The following PPP2R2B variants were observed in gnomAD, a reference collection of about 807,000 sequenced individuals.
PPP2R2B encodes the protein protein phosphatase 2 regulatory subunit Bbeta.
In PPP2R2B, 5 loss-of-function variants were observed where a neutral mutation model predicts 46.0. That is an observed-to-expected ratio of 0.11 (90% CI 0.06 to 0.23). The LOEUF (loss-of-function observed/expected upper bound fraction) is 0.23, where lower values mean the gene tolerates loss of function less well. Among genes scored for constraint, PPP2R2B ranks in the 10% least tolerant of loss-of-function variants. PPP2R2B has a pLI of 1.00. For synonymous variants in PPP2R2B, 215 were observed against 206.7 expected, an observed-to-expected ratio of 1.04 and a Z score of -0.34; for missense variants, 367 against 575.0, an observed-to-expected ratio of 0.64 and a Z score of 3.70.
At chr5:146,986,378 G>A (rs566427745) in intron 1 of PPP2R2B, among the ~76,000 whole-genome samples, 14 of 152,194 alleles carry the variant, frequency 9.2e-5, no homozygotes, top group Non-Finnish European at 2.1e-4. Flanking sequence ...ATCTGCTGCT[G>A]CAGCTGGAAG....
In PPP2R2B at chr5:146,633,081, C is replaced by T. The variant is rs529842872; in HGVS notation, c.790+5170G>A. ...AGCTAAGTACTGCTGCCATCAGCAC[C>T]CTATTGTTTCAGACATCTAAACTGC... On this transcript the variant is annotated intron_variant, in intron 7 of 9. Transcript: ENST00000394411. Among the ~76,000 whole-genome samples the T allele has an allele frequency of 2.1e-4, 32 of 152,184 alleles. 1 individual carries two copies. The East Asian group carries it at 4.2e-3, about 20-fold the overall frequency.
chr5:146,662,153 G>A (rs1776713711), intron 5 of PPP2R2B, among the ~76,000 whole-genome samples: 1 of 151,912 alleles, frequency 6.6e-6, no homozygotes, highest in Admixed American at 6.6e-5. Context: ...TTATTACCGT[G>A]GAATATACAG....
At chr5:146,619,052 T>C (rs1472307835) in intron 7 of PPP2R2B, among the ~76,000 whole-genome samples, 5 of 152,154 alleles carry the variant, frequency 3.3e-5, no homozygotes, top group Non-Finnish European at 4.4e-5. Context: ...AATATTACTC[T>C]CTACTTCATT....
chr5:147,010,895 C>T (rs149046898), intron 1 of PPP2R2B, among the ~76,000 whole-genome samples: 39 of 152,284 alleles, frequency 2.6e-4, no homozygotes, highest in African/African-American at 9.4e-4. Flanking sequence ...GGCCAGACTC[C>T]CACCATTGCT....
At chr5:146,849,258 C>T (rs1760198772) in intron 2 of PPP2R2B, among the ~76,000 whole-genome samples, 1 of 152,144 alleles carries the variant, frequency 6.6e-6, no homozygotes, top group Non-Finnish European at 1.5e-5. Context: ...TGCATATAAC[C>T]CTATGTATAT....
chr5:146,703,651 T>C (rs1779669955), intron 2 of PPP2R2B, among the ~76,000 whole-genome samples: 1 of 152,160 alleles, frequency 6.6e-6, no homozygotes, highest in Middle Eastern at 3.2e-3. Context: ...GACACATACA[T>C]TTTCCTTCTT....
intron 1 of PPP2R2B, among the ~76,000 whole-genome samples, chr5:146,923,954 C>T (rs1291364931): frequency 6.6e-6 from 1 of 152,114 alleles, no homozygotes; most frequent in Non-Finnish European, 1.5e-5. Context: ...AGGCCATTAT[C>T]CTTACCAAAC....
chr5:146,724,444 T>C (rs1414586000), intron 2 of PPP2R2B, among the ~76,000 whole-genome samples: 1 of 152,170 alleles, frequency 6.6e-6, no homozygotes, highest in African/African-American at 2.4e-5. Flanking sequence ...GATGTTATAA[T>C]GCAAAGAATT....
intron 8 of PPP2R2B, among the ~76,000 whole-genome samples, chr5:146,595,443 G>A (rs1410079346): frequency 6.6e-6 from 1 of 152,314 alleles, no homozygotes; most frequent in Middle Eastern, 3.4e-3. Flanking sequence ...TTCTATAAGT[G>A]TCAAAACATG....
At chr5:146,603,460 A>G (rs887326316) in intron 7 of PPP2R2B, among the ~76,000 whole-genome samples, 1 of 152,226 alleles carries the variant, frequency 6.6e-6, no homozygotes, top group African/African-American at 2.4e-5. Flanking sequence ...AAGCCTCACA[A>G]TGACACCTTC....
chr5:146,938,751 C>CTTTT lies in PPP2R2B; in HGVS notation c.79+116910_79+116913dup, dbSNP rs33961672. Among the ~76,000 whole-genome samples the CTTTT allele has an allele frequency of 2.4e-4, 16 of 65,974 alleles. 2 individuals are homozygous for CTTTT. Among genetic ancestry groups the CTTTT allele is most frequent in the African/African-American group, 7.4e-4 (11 of 14,824 alleles). The allele number at this position is 65,974 out of a possible 152,430, so 43.3% of individuals were successfully genotyped here. A position where few individuals can be genotyped will look rare whatever the true frequency, so the allele number is the denominator to read the frequency against. The stretch of plus-strand genomic sequence containing the variant: ...GGAAAACTACTGGTTAGATAATAGC[C>CTTTT]TTTTTTTTTTTTTTTTTTTTTTTTT... On this transcript the variant is annotated intron_variant, in intron 1 of 8. Transcript: ENST00000336640.
chr5:146,638,525 T>C (rs1774972651), intron 6 of PPP2R2B, 110 bp from the exon 7 acceptor site: 1 of 1,043,472 alleles, frequency 9.6e-7, no homozygotes, highest in Admixed American at 2.5e-5. Context: ...CAACATTTGC[T>C]ATGCACATGG....
chr5:147,027,159 G>A (rs1347198022), intron 1 of PPP2R2B, among the ~76,000 whole-genome samples: 1 of 152,090 alleles, frequency 6.6e-6, no homozygotes, highest in African/African-American at 2.4e-5. Context: ...ACATTTTGCT[G>A]GAATAAGTCA....
In PPP2R2B at chr5:146,677,112, C is replaced by G. The variant is rs928048240; in HGVS notation, c.447+14016G>C. 2.0e-5 allele frequency among the ~76,000 whole-genome samples: 3 copies of G among 152,144 alleles called. No individual in the cohort carries two copies. The South Asian group carries it at 6.2e-4, about 31-fold the overall frequency. On this transcript the variant is annotated intron_variant, in intron 5 of 9. Coordinates refer to ENST00000394411, the MANE Select transcript of PPP2R2B (RefSeq NM_181675.4). Reference sequence around the variant, plus strand: ...CCTCATAGGATGCTTTTCTTAGATGCTCTTTGAATTTGGAGAGCCTATGAT... The same window carrying G: ...CCTCATAGGATGCTTTTCTTAGATGGTCTTTGAATTTGGAGAGCCTATGAT...
intron 1 of PPP2R2B, among the ~76,000 whole-genome samples, chr5:146,990,547 T>TC (rs1325722870): frequency 5.9e-5 from 9 of 152,074 alleles, no homozygotes; most frequent in African/African-American, 1.7e-4. Flanking sequence ...TACTTATTTT[T>TC]CACTATAAAC....
At chr5:146,848,700 C>G (rs911021980) in intron 2 of PPP2R2B, among the ~76,000 whole-genome samples, 1 of 152,156 alleles carries the variant, frequency 6.6e-6, no homozygotes, top group African/African-American at 2.4e-5. Context: ...AAGTTACTCC[C>G]CTCTCCTCCA....
chr5:146,665,968 A>T (rs978745410), intron 5 of PPP2R2B, among the ~76,000 whole-genome samples: 1 of 152,240 alleles, frequency 6.6e-6, no homozygotes, highest in Admixed American at 6.5e-5. Context: ...TTTAACTTGT[A>T]AAAAACATAC....
At chr5:146,811,719 C>T (rs532170694) in intron 2 of PPP2R2B, among the ~76,000 whole-genome samples, 1 of 150,254 alleles carries the variant, frequency 6.7e-6, no homozygotes, top group East Asian at 2.0e-4. Context: ...CACCACCACG[C>T]CCGGCTAATT....
upstream of PPP2R2B, chr5:147,056,119 G>A (rs1349261782): frequency 1.9e-6 from 2 of 1,049,806 alleles, no homozygotes; most frequent in African/African-American, 3.3e-5. Context: ...CTTTTCGCAA[G>A]AGAAATCCAG....
Sources: allele counts gnomAD v4.1 joint callset (sites outside exome capture counted in the v4.1 genomes callset), GRCh38; gene constraint gnomAD v4.1.1; transcripts MANE v1.5; gene names NCBI Gene and HGNC (gene_info 2026-07-23, HGNC 2026-07-21).